EXOC4: variants seen among roughly 807,000 people sequenced by gnomAD.
EXOC4 encodes SEC8-like 1.
A neutral mutation model predicts 107.2 loss-of-function variants in EXOC4; 71 were observed. The observed-to-expected ratio is 0.66, with a 90% confidence interval of 0.55 to 0.81. EXOC4 has a LOEUF of 0.81. Ranked by LOEUF, EXOC4 falls within the 30% of genes least tolerant of loss-of-function variation. The pLI is 0.00. For missense variants in EXOC4, 1,108 were observed against 1,189.6 expected (o/e 0.93, Z 1.01); for synonymous variants, 456 against 441.2 (o/e 1.03, Z -0.42).
chr7:134,073,873 C>T, the EXOC4 span, among the ~76,000 whole-genome samples: 1 of 152,212 alleles, frequency 6.6e-6, no homozygotes, highest in African/African-American at 2.4e-5. Context: ...TCAGGGCATC[C>T]TGATCACTCT....
chr7:133,938,175 C>A, intron 14 of EXOC4, 106 bp downstream of exon 14: 2 of 1,102,524 alleles, frequency 1.8e-6, no homozygotes, highest in Non-Finnish European at 2.6e-6. Context: ...GGGCGTGTCC[C>A]AAGCTGTCAG....
chr7:133,888,992 G>A (rs1413878116), intron 11 of EXOC4, among the ~76,000 whole-genome samples: 2 of 152,238 alleles, frequency 1.3e-5, no homozygotes, highest in Non-Finnish European at 2.9e-5. Context: ...TGATTATTAT[G>A]TGAGTCTCAA....
intron 17 of EXOC4, among the ~76,000 whole-genome samples, chr7:134,046,428 C>CCACT (rs1260265828): frequency 2.0e-5 from 3 of 151,728 alleles, no homozygotes; most frequent in African/African-American, 7.3e-5. Context: ...CAAGATCGTA[C>CCACT]CACTGCATTC....
intron 10 of EXOC4, among the ~76,000 whole-genome samples, chr7:133,758,699 AT>A (rs140420843): frequency 0.074 from 11,335 of 152,300 alleles, 476 homozygotes; most frequent in Middle Eastern, 0.12. Context: ...GACACATGCT[AT>A]ATAGTTATAC....
intron 7 of EXOC4, among the ~76,000 whole-genome samples, chr7:133,391,934 G>A (rs1184105037): frequency 2.0e-5 from 3 of 152,160 alleles, no homozygotes; most frequent in Non-Finnish European, 4.4e-5. Context: ...AACAATGGGG[G>A]TGAGACTTTA....
At chr7:133,673,987 G>T (rs964704044) in intron 10 of EXOC4, among the ~76,000 whole-genome samples, 2 of 152,154 alleles carry the variant, frequency 1.3e-5, no homozygotes, top group Non-Finnish European at 2.9e-5. Flanking sequence ...GGGTTGTATG[G>T]TGCCCTATTC....
At chr7:133,394,862 G>A (rs950579256) in intron 7 of EXOC4, among the ~76,000 whole-genome samples, 6 of 150,284 alleles carry the variant, frequency 4.0e-5, no homozygotes, top group African/African-American at 1.2e-4. Context: ...AAAAGCGCCT[G>A]ACAATGTCCT....
chr7:133,343,722 T>G (rs1795719951), intron 5 of EXOC4, among the ~76,000 whole-genome samples: 1 of 152,048 alleles, frequency 6.6e-6, no homozygotes, highest in Admixed American at 6.5e-5. Context: ...GCCTATTTCT[T>G]TATCTGTATT....
chr7:133,986,082 A>G (rs1794107229), intron 14 of EXOC4, among the ~76,000 whole-genome samples: 1 of 152,240 alleles, frequency 6.6e-6, no homozygotes, highest in African/African-American at 2.4e-5. Context: ...ATCTGGCTAT[A>G]CACATGTGTA....
chr7:133,859,392 G>T (rs77092710), intron 11 of EXOC4, among the ~76,000 whole-genome samples: 5,494 of 152,230 alleles, frequency 0.036, 350 homozygotes, highest in African/African-American at 0.13. Flanking sequence ...TTCTCAGCAG[G>T]GAGCCACTGG....
chr7:133,440,450 T>C (rs1584919454), intron 7 of EXOC4, among the ~76,000 whole-genome samples: 2 of 152,064 alleles, frequency 1.3e-5, no homozygotes, highest in East Asian at 3.9e-4. Context: ...TCAGTGTTCA[T>C]GATGTGACTG....
intron 7 of EXOC4, among the ~76,000 whole-genome samples, chr7:133,430,303 T>C (rs962735225): frequency 6.6e-6 from 1 of 152,190 alleles, no homozygotes; most frequent in Non-Finnish European, 1.5e-5. Flanking sequence ...TTTTTGTGGG[T>C]ACAAGATGTG....
At chr7:133,304,335 C>T (rs1392966629) in intron 3 of EXOC4, among the ~76,000 whole-genome samples, 2 of 152,154 alleles carry the variant, frequency 1.3e-5, no homozygotes, top group African/African-American at 4.8e-5. Flanking sequence ...TTTTGTGAGG[C>T]TGCCTTTCCA....
chr7:133,953,305 G>C (rs1318323753), intron 14 of EXOC4, among the ~76,000 whole-genome samples: 1 of 151,956 alleles, frequency 6.6e-6, no homozygotes, highest in African/African-American at 2.4e-5. Context: ...TAAAAAATTT[G>C]GCCAGGCGGT....
chr7:133,812,033 T>C (rs1797244491), intron 10 of EXOC4, among the ~76,000 whole-genome samples: 1 of 152,108 alleles, frequency 6.6e-6, no homozygotes, highest in African/African-American at 2.4e-5. Flanking sequence ...CCACGTGGGG[T>C]TTTTTGCTCA....
At chr7:134,004,575 A>G (rs1423525774) in intron 15 of EXOC4, among the ~76,000 whole-genome samples, 1 of 152,152 alleles carries the variant, frequency 6.6e-6, no homozygotes, top group African/African-American at 2.4e-5. Flanking sequence ...AGAATTTTAG[A>G]ACTCCTTCCC....
intron 11 of EXOC4, among the ~76,000 whole-genome samples, chr7:133,863,943 G>T (rs921683314): frequency 5.9e-5 from 9 of 152,064 alleles, no homozygotes; most frequent in Admixed American, 5.2e-4. Flanking sequence ...TATCTGCTTA[G>T]GGTGGTATTA....
At chr7:133,360,242 G>A (rs1796107613) in intron 6 of EXOC4, among the ~76,000 whole-genome samples, 1 of 152,196 alleles carries the variant, frequency 6.6e-6, no homozygotes. Flanking sequence ...GCTGGAAGGA[G>A]TTCTGTACTT....
At chr7:134,047,727 GCCAAATTAAGGTTATC>G (rs1563103850) in intron 17 of EXOC4, among the ~76,000 whole-genome samples, 8 of 152,118 alleles carry the variant, frequency 5.3e-5, no homozygotes, top group Non-Finnish European at 8.8e-5. Context: ...TTATTTATCT[GCCAAATTAAGGTTATC>G]AAGCCTTTCT....
Sources: allele counts gnomAD v4.1 joint callset (sites outside exome capture counted in the v4.1 genomes callset), GRCh38; gene constraint gnomAD v4.1.1; transcripts MANE v1.5; gene names NCBI Gene and HGNC (gene_info 2026-07-23, HGNC 2026-07-21).